SETDB2: variants seen among roughly 807,000 people sequenced by gnomAD.
SETDB2 encodes histone-lysine N-methyltransferase SETDB2.
In SETDB2, 56 loss-of-function variants were observed where a neutral mutation model predicts 82.5. That is an observed-to-expected ratio of 0.68 (90% CI 0.55 to 0.85). SETDB2 has a LOEUF of 0.85. Ranked by LOEUF, SETDB2 falls within the 40% of genes least tolerant of loss-of-function variation. SETDB2 has a pLI of 0.00. For synonymous variants in SETDB2, 272 were observed against 284.9 expected, an observed-to-expected ratio of 0.95 and a Z score of 0.46; for missense variants, 677 against 816.4, an observed-to-expected ratio of 0.83 and a Z score of 2.08.
intron 5 of SETDB2, among the ~76,000 whole-genome samples, chr13:49,471,934 A>ATATATATATATTTTT (rs1378783393): frequency 1.7e-5 from 2 of 119,260 alleles, no homozygotes; most frequent in African/African-American, 7.2e-5. Flanking sequence ...ATATATATAT[A>ATATATATATATTTTT]TTTTTTTTTT....
intron 1 of SETDB2, among the ~76,000 whole-genome samples, chr13:49,449,024 A>G (rs1957741683): frequency 6.6e-6 from 1 of 152,136 alleles, no homozygotes; most frequent in Admixed American, 6.5e-5. Flanking sequence ...TTCTTCTTAT[A>G]ATTGCAGATG....
At chr13:49,473,906 A>G (rs377644717) in intron 5 of SETDB2, among the ~76,000 whole-genome samples, 2 of 152,210 alleles carry the variant, frequency 1.3e-5, no homozygotes, top group Non-Finnish European at 2.9e-5. Flanking sequence ...TTGACACCTA[A>G]TAATAGGGAA....
At chr13:49,478,818 CGGGAGTCTGAGGT>C (rs1327444040) in intron 6 of SETDB2, among the ~76,000 whole-genome samples, 2 of 151,946 alleles carry the variant, frequency 1.3e-5, no homozygotes, top group Non-Finnish European at 2.9e-5. Flanking sequence ...CCCAGCTAGT[CGGGAGTCTGAGGT>C]GGGAGGATCA....
At chr13:49,461,873 C>A (rs888469315) in intron 4 of SETDB2, among the ~76,000 whole-genome samples, 3 of 152,322 alleles carry the variant, frequency 2.0e-5, no homozygotes, top group African/African-American at 4.8e-5. Flanking sequence ...GAGGTTCCCA[C>A]AACCCCCTCC....
Position 49,488,110 on chromosome 13 carries a change from C to T in SETDB2, c.1577-180C>T, listed in dbSNP as rs147412340. 21 of 501,528 alleles carry T rather than the reference C, an allele frequency of 4.2e-5. No individual in the cohort carries two copies. The East Asian group carries it at 2.9e-3, about 69-fold the overall frequency. 31.1% of individuals were successfully genotyped at this position (501,528 alleles called of 1,614,324 possible). On this transcript the variant is annotated intron_variant, in intron 11 of 13. Transcript: ENST00000611815. ...TACCCCAGTTCTCGTTATTGTGGGTCAGATGAATTCCTTAATCCCTCAGAG... is the reference window on the plus strand; with the variant it reads ...TACCCCAGTTCTCGTTATTGTGGGTTAGATGAATTCCTTAATCCCTCAGAG...
At chr13:49,447,609 T>G (rs2138798811) in intron 1 of SETDB2, among the ~76,000 whole-genome samples, 1 of 152,280 alleles carries the variant, frequency 6.6e-6, no homozygotes, top group African/African-American at 2.4e-5. Flanking sequence ...AATTTTATAT[T>G]GAATTGTTTT....
Position 49,444,328 on chromosome 13 carries a change from G to C in SETDB2, c.-871G>C. ...GAGGCAGGGCGGGACTGTTGTGGTT[G>C]AGATGAAGGCTAGTAAATGGTGAAG... On this transcript the variant is annotated 5_prime_UTR_variant, in exon 1 of 14. Transcript: ENST00000611815. The C allele has an allele frequency of 3.5e-6, 1 of 286,140 alleles. No homozygotes were observed. 17.7% of individuals were successfully genotyped at this position (286,140 alleles called of 1,614,324 possible).
chr13:49,449,570 T>G (rs945121303), intron 1 of SETDB2, among the ~76,000 whole-genome samples: 1 of 151,870 alleles, frequency 6.6e-6, no homozygotes, highest in Non-Finnish European at 1.5e-5. Context: ...CTTTGTTCAT[T>G]TTTTTTTAAG....
chr13:49,492,671 C>G lies in SETDB2; in HGVS notation c.*822C>G, dbSNP rs1205302793. The G allele has an allele frequency of 6.6e-6, 1 of 152,118 alleles. No homozygotes were observed. Among genetic ancestry groups the G allele is most frequent in the Non-Finnish European group, 1.5e-5 (1 of 68,022 alleles). The allele number at this position is 152,118 out of a possible 1,614,324, so 9.4% of individuals were successfully genotyped here. ...GGGCAAAAATTTCACTTAAAAAACA[C>G]AAGAAGTCCAGGTATGGTGGCTCAG... is the stretch of plus-strand genomic sequence containing the variant. On this transcript the variant is annotated 3_prime_UTR_variant, in exon 14 of 14. Coordinates refer to ENST00000611815, the MANE Select transcript of SETDB2 (RefSeq NM_001160308.3).
intron 7 of SETDB2, among the ~76,000 whole-genome samples, chr13:49,480,580 G>A (rs933389560): frequency 6.6e-6 from 1 of 152,142 alleles, no homozygotes; most frequent in African/African-American, 2.4e-5. Flanking sequence ...TACCCCTCTA[G>A]TATCAGCCTA....
chr13:49,473,260 A>G (rs1263598172), intron 5 of SETDB2, among the ~76,000 whole-genome samples: 1 of 152,112 alleles, frequency 6.6e-6, no homozygotes, highest in Non-Finnish European at 1.5e-5. Context: ...CAAAAAATTC[A>G]TACCCGAGGC....
Position 49,482,889 on chromosome 13 carries a change from G to A in SETDB2, c.1309G>A (p.Glu437Lys), listed in dbSNP as rs147031136. ...CEVEVLPLGL[E>K]THPRTAKTEK... ...AGTTGAAGTTCTCCCATTAGGATTG[G>A]AAACACATCCTAGAACTGCTAAAAC... The change falls in exon 9 of 14, where the codon GAA becomes AAA. Residue 437 changes from glutamate (E) to lysine (K), a missense_variant. Physicochemically the swap from Glu to Lys is moderately conservative, Grantham distance 56. This residue lies in a region of SETDB2 where 420 missense variants were observed against 554.6 expected (regional missense o/e 0.76). Transcript: ENST00000611815. 8.1e-6 allele frequency: 13 copies of A among 1,613,428 alleles called. No individual in the cohort carries two copies. Among genetic ancestry groups the A allele is most frequent in the Admixed American group, 1.7e-5 (1 of 59,990 alleles).
Position 49,480,228 on chromosome 13 carries a change from T to G in SETDB2, c.879T>G (p.Cys293Trp). The G allele has an allele frequency of 6.2e-7, 1 of 1,605,182 alleles. No homozygotes were observed. The highest frequency in any genetic ancestry group is 8.5e-7 in the Non-Finnish European group (1 of 1,177,294). Residue 293 changes from cysteine (C) to tryptophan (W), a missense_variant, in exon 7 of 14, where the codon TGT (cysteine) becomes TGG (tryptophan). Physicochemically the swap from Cys to Trp is radical, Grantham distance 215. This residue lies in a region of SETDB2 where 420 missense variants were observed against 554.6 expected (regional missense o/e 0.76). Coordinates refer to ENST00000611815, the MANE Select transcript of SETDB2 (RefSeq NM_001160308.3). ...CSEGCIDITK[C>W]ACLQLTARNA... The stretch of plus-strand genomic sequence containing the variant: ...ATTGCCTGCCTTTTAGAACAAAATG[T>G]GCATGTCTTCAACTGACAGCAAGGA...
chr13:49,464,739 A>G (rs750792258), intron 4 of SETDB2, among the ~76,000 whole-genome samples: 11 of 152,114 alleles, frequency 7.2e-5, no homozygotes, highest in Non-Finnish European at 1.6e-4. Flanking sequence ...ACTGTTGGCA[A>G]ATGTAAGGAT....
At chr13:49,478,778 T>C (rs1479499905) in intron 6 of SETDB2, among the ~76,000 whole-genome samples, 1 of 151,962 alleles carries the variant, frequency 6.6e-6, no homozygotes, top group Admixed American at 6.6e-5. Context: ...ATACAAAAGT[T>C]AGCGTGGCGT....
At chr13:49,486,886 A>G (rs1958608222) in intron 11 of SETDB2, among the ~76,000 whole-genome samples, 1 of 152,174 alleles carries the variant, frequency 6.6e-6, no homozygotes, top group African/African-American at 2.4e-5. Flanking sequence ...TCCCCCCTGC[A>G]ACCGCAGCTC....
chr13:49,453,367 G>A (rs1015787339), intron 2 of SETDB2, among the ~76,000 whole-genome samples: 1 of 151,566 alleles, frequency 6.6e-6, no homozygotes, highest in African/African-American at 2.4e-5. Flanking sequence ...CGCAATCTTG[G>A]CTCACTGCAA....
chr13:49,475,982 A>T (rs778789019), intron 5 of SETDB2, among the ~76,000 whole-genome samples: 1 of 152,072 alleles, frequency 6.6e-6, no homozygotes, highest in African/African-American at 2.4e-5. Context: ...GTTTTTTTGC[A>T]TGCAAAGAGC....
At position 49,461,242 on chromosome 13, in the gene SETDB2, G is replaced by A. The variant is rs117365902; in HGVS notation, c.208+80G>A. 7.7e-3 allele frequency: 6,627 copies of A among 858,184 alleles called. 45 individuals are homozygous for A. The highest frequency in any genetic ancestry group is 0.01 in the Non-Finnish European group (5,656 of 555,536). The allele number at this position is 858,184 out of a possible 1,614,324, so 53.2% of individuals were successfully genotyped here. A position where few individuals can be genotyped will look rare whatever the true frequency, so the allele number is the denominator to read the frequency against. The stretch of plus-strand genomic sequence containing the variant: ...AAGCAGGATAGCTTTAATATGTTGG[G>A]CTAATTAAAGATAATTTAAAATAAA... On this transcript the variant is annotated intron_variant, in intron 4 of 13. Coordinates refer to ENST00000611815, the MANE Select transcript of SETDB2 (RefSeq NM_001160308.3).
Sources: allele counts gnomAD v4.1 joint callset (sites outside exome capture counted in the v4.1 genomes callset), GRCh38; gene constraint gnomAD v4.1.1; regional missense constraint gnomAD v4.1.1; transcripts MANE v1.5; gene names NCBI Gene and HGNC (gene_info 2026-07-23, HGNC 2026-07-21).